Variants in CA4 observed in about 807,000 individuals in gnomAD.
CA4 encodes the protein carbonic anhydrase 4, also known as CA-IV.
CA4 carries 24 observed loss-of-function variants against 34.5 expected under a neutral mutation model. The observed-to-expected ratio is 0.70, with a 90% CI of 0.50 to 0.98. The LOEUF (loss-of-function observed/expected upper bound fraction) is 0.98, where lower values mean the gene tolerates loss of function less well. CA4 is among the 50% of genes least tolerant of loss of function. CA4 has a pLI of 0.00. For missense variants in CA4, 394 were observed against 396.7 expected, an observed-to-expected ratio of 0.99 and a Z score of 0.06; for synonymous variants, 178 against 170.6, an observed-to-expected ratio of 1.04 and a Z score of -0.34.
At chr17:60,171,893 A>ACCCCCAAGGT (rs1300909841), downstream of CA4, among the ~76,000 whole-genome samples, 1 of 152,100 alleles carries the variant, frequency 6.6e-6, no homozygotes, top group Non-Finnish European at 1.5e-5. Flanking sequence ...AAGGCAAGTG[A>ACCCCCAAGGT]CCCCCAAGGT....
At chr17:60,165,653 T>TG (rs1489252769) in intron 5 of CA4, among the ~76,000 whole-genome samples, 16 of 152,282 alleles carry the variant, frequency 1.1e-4, no homozygotes, top group Non-Finnish European at 2.2e-4. Context: ...CTTCTGGCTC[T>TG]GTCCCTGGCT....
Position 60,157,758 on chromosome 17 carries a change from C to CCTTTCTGGTG in CA4, c.483_484insCTTTCTGGTG (p.Glu162LeufsTer31). The CCTTTCTGGTG allele has an allele frequency of 6.2e-7, 1 of 1,613,948 alleles. No individual in the cohort carries two copies. The highest frequency in any genetic ancestry group is 8.5e-7 in the Non-Finnish European group (1 of 1,179,794). ...TGAAAGAGGCCCAGGACCCTGAAGACGAAATTGCGGTGCTGGCCTTTCTGG... is the reference window on the plus strand; with the variant it reads ...TGAAAGAGGCCCAGGACCCTGAAGACCTTTCTGGTGGAAATTGCGGTGCTGGCCTTTCTGG... On this transcript the variant is annotated frameshift_variant, in exon 5 of 8. Coordinates refer to ENST00000300900, the MANE Select transcript of CA4 (RefSeq NM_000717.5). LOFTEE classifies it high-confidence loss of function.
At chr17:60,168,376 A>G (rs1320397986) in intron 5 of CA4, among the ~76,000 whole-genome samples, 3 of 24,130 alleles carry the variant, frequency 1.2e-4, no homozygotes, top group African/African-American at 2.2e-4. Flanking sequence ...GCAGGTGGGG[A>G]AGGGTGATTT....
At chr17:60,158,740 TCCCTA>T (rs1334880149) in intron 7 of CA4, 2 of 500,782 alleles carry the variant, frequency 4.0e-6, no homozygotes, top group African/African-American at 3.9e-5. Context: ...AGGACCCAAA[TCCCTA>T]CCCTTGCACT....
chr17:60,172,395 T>C (rs1336842083), downstream of CA4, among the ~76,000 whole-genome samples: 2 of 152,160 alleles, frequency 1.3e-5, no homozygotes, highest in African/African-American at 4.8e-5. Context: ...TCTTGGGGCA[T>C]TTCAAGCCTA....
chr17:60,171,540 T>C (rs559851871), downstream of CA4, among the ~76,000 whole-genome samples: 363 of 152,322 alleles, frequency 2.4e-3, 2 homozygotes, highest in Non-Finnish European at 3.7e-3. Flanking sequence ...GAGAGTGTTC[T>C]CCTGGGAGCA....
intron 5 of CA4, among the ~76,000 whole-genome samples, chr17:60,168,177 G>A (rs1282330206): frequency 1.4e-5 from 2 of 145,550 alleles, no homozygotes; most frequent in East Asian, 4.2e-4. Flanking sequence ...AGCCGCATGT[G>A]GAAAAGGGAA....
downstream of CA4, among the ~76,000 whole-genome samples, chr17:60,172,494 T>C (rs1390140632): frequency 4.6e-5 from 7 of 152,254 alleles, no homozygotes; most frequent in East Asian, 1.4e-3. Flanking sequence ...ATTGTGAATA[T>C]GAAAAAGAGA....
chr17:60,168,819 T>G (rs998163001), intron 5 of CA4, among the ~76,000 whole-genome samples: 1 of 152,124 alleles, frequency 6.6e-6, no homozygotes, highest in African/African-American at 2.4e-5. Flanking sequence ...CTCTGGAGGC[T>G]GCCATCAGTA....
intron 7 of CA4, 188 bp downstream of exon 7, chr17:60,158,634 G>A (rs1179670360): frequency 4.7e-6 from 3 of 632,156 alleles, no homozygotes; most frequent in Non-Finnish European, 8.4e-6. Context: ...CCAGATTGGG[G>A]GCTAGACAGG....
intron 5 of CA4, 129 bp from the exon 6 acceptor site, chr17:60,157,932 G>T: frequency 1.3e-6 from 2 of 1,552,622 alleles, no homozygotes; most frequent in South Asian, 2.4e-5. Flanking sequence ...ATGTCCCCGG[G>T]CCAGGTGGGG....
chr17:60,174,678 A>T (rs2083941251), downstream of CA4, among the ~76,000 whole-genome samples: 1 of 152,190 alleles, frequency 6.6e-6, no homozygotes, highest in Non-Finnish European at 1.5e-5. Context: ...CTCTGATCAT[A>T]GAGGTGTGTG....
At chr17:60,167,504 G>A (rs370714102) in intron 5 of CA4, among the ~76,000 whole-genome samples, 8 of 152,256 alleles carry the variant, frequency 5.3e-5, no homozygotes, top group African/African-American at 1.9e-4. Context: ...CACAGAGAGG[G>A]AGGGCAGGTG....
downstream of CA4, chr17:60,159,694 A>T (rs542763550): frequency 6.5e-5 from 38 of 580,244 alleles, no homozygotes; most frequent in Non-Finnish European, 1.1e-4. Context: ...CTCCCGTTCT[A>T]TGTGAATTCC....
At chr17:60,164,671 A>T (rs1041569778) in intron 5 of CA4, among the ~76,000 whole-genome samples, 1 of 152,124 alleles carries the variant, frequency 6.6e-6, no homozygotes, top group Non-Finnish European at 1.5e-5. Flanking sequence ...GATTATAGGC[A>T]TGAGCCACCA....
downstream of CA4, among the ~76,000 whole-genome samples, chr17:60,161,687 G>A (rs918842145): frequency 6.9e-6 from 1 of 144,764 alleles, no homozygotes; most frequent in African/African-American, 2.6e-5. Context: ...CTTTCCCTCC[G>A]TCTTCCCTTT....
At chr17:60,155,777 G>A (rs775885641) in intron 2 of CA4, among the ~76,000 whole-genome samples, 4 of 152,178 alleles carry the variant, frequency 2.6e-5, no homozygotes, top group Non-Finnish European at 5.9e-5. Context: ...CTGTCATCGA[G>A]AGGGCATGTT....
At chr17:60,150,217 T>G in intron 1 of CA4, 125 bp downstream of exon 1, 2 of 792,342 alleles carry the variant, frequency 2.5e-6, no homozygotes, top group Non-Finnish European at 4.0e-6. Context: ...GGTCCCGGGT[T>G]GCGTGTGCGC....
chr17:60,156,903 C>T, intron 3 of CA4, 188 bp downstream of exon 3: 1 of 655,806 alleles, frequency 1.5e-6, no homozygotes, highest in Non-Finnish European at 2.7e-6. Context: ...TTACTTTTGT[C>T]AGACCAGTCT....
Sources: allele counts gnomAD v4.1 joint callset (sites outside exome capture counted in the v4.1 genomes callset), GRCh38; gene constraint gnomAD v4.1.1; transcripts MANE v1.5; gene names NCBI Gene and HGNC (gene_info 2026-07-23, HGNC 2026-07-21).